CSMD2: variants seen among roughly 807,000 people sequenced by gnomAD.
CSMD2 encodes CUB and sushi domain-containing protein 2.
CSMD2 carries 130 observed loss-of-function variants against 398.5 expected under a neutral mutation model. That is an observed-to-expected ratio of 0.33 (90% CI 0.28 to 0.38). The LOEUF (loss-of-function observed/expected upper bound fraction) is 0.38. CSMD2 is among the 10% of genes least tolerant of loss of function. The probability of loss-of-function intolerance (pLI) is 1.00; values close to 1 mark genes in which losing one functional copy is unlikely to be tolerated. For missense variants in CSMD2, 3,829 were observed against 4,764.9 expected (o/e 0.80, Z 5.78); for synonymous variants, 1,828 against 1,908.5 (o/e 0.96, Z 1.10).
intron 1 of CSMD2, among the ~76,000 whole-genome samples, chr1:34,102,558 C>T (rs1411881913): frequency 6.6e-6 from 1 of 151,648 alleles, no homozygotes; most frequent in Non-Finnish European, 1.5e-5. Flanking sequence ...CCCTGTGATC[C>T]AACCATATCC....
At chr1:34,054,714 T>C (rs903685230) in intron 2 of CSMD2, among the ~76,000 whole-genome samples, 2 of 152,108 alleles carry the variant, frequency 1.3e-5, no homozygotes, top group African/African-American at 2.4e-5. Flanking sequence ...CACTCTAGGC[T>C]GGGCGACAGA....
Position 33,537,589 on chromosome 1 carries a change from C to A in CSMD2, c.9652G>T (p.Gly3218Cys). Residue 3218 changes from glycine to cysteine, a missense_variant, in exon 61 of 71, where the codon GGT becomes TGT. Transcript: ENST00000373381. The surrounding 1 kb of genome is among the most constrained non-coding windows in gnomAD (Gnocchi z 4.6). ...TCTCTCCTCCCACGGGACGGGACAC[C>A]AGGATCCCCGCAGAACACAGCTGGG... Reference protein sequence around the residue: ...QCFPVFCGDPGVPSRGRREDR... With the variant: ...QCFPVFCGDPCVPSRGRREDR... 1 of 1,613,686 alleles carries A rather than the reference C, an allele frequency of 6.2e-7. No individual in the cohort carries two copies. Among genetic ancestry groups the A allele is most frequent in the Non-Finnish European group, 8.5e-7 (1 of 1,179,768 alleles).
intron 2 of CSMD2, among the ~76,000 whole-genome samples, chr1:34,078,312 T>C (rs2148325643): frequency 6.6e-6 from 1 of 152,226 alleles, no homozygotes; most frequent in African/African-American, 2.4e-5. Flanking sequence ...ATACACATGA[T>C]ACATACATGC....
At position 33,714,782 on chromosome 1, in the gene CSMD2, A is replaced by C; in HGVS notation, c.3218-7T>G. On this transcript the variant is annotated splice_region_variant and splice_polypyrimidine_tract_variant and intron_variant, in intron 20 of 70. Transcript: ENST00000373381. Reference sequence around the variant, plus strand: ...CAGGGCTCCAAGTCGTACTCTGGAAAGGTAGCAGGAGATCCGGGCTCAGAG... The same window carrying C: ...CAGGGCTCCAAGTCGTACTCTGGAACGGTAGCAGGAGATCCGGGCTCAGAG... 1 of 1,613,284 alleles carries C rather than the reference A, an allele frequency of 6.2e-7. No individual in the cohort carries two copies.
chr1:33,800,369 A>G (rs1448271944), intron 10 of CSMD2, among the ~76,000 whole-genome samples: 1 of 152,164 alleles, frequency 6.6e-6, no homozygotes, highest in Non-Finnish European at 1.5e-5. Flanking sequence ...TCCAGCAGGT[A>G]CTAAGAAGGG....
chr1:34,163,545 C>T lies in CSMD2; in HGVS notation c.187+1366G>A, dbSNP rs1442089856. Among the ~76,000 whole-genome samples the T allele has an allele frequency of 2.0e-5, 3 of 152,162 alleles. No homozygotes were observed. The highest frequency in any genetic ancestry group is 7.2e-5 in the African/African-American group (3 of 41,438). ...GAAGGCCAGAGTGGGCCAGAGAGCT[C>T]GCCACTCACTGACCTGCCAGAGGAG... On this transcript the variant is annotated intron_variant, in intron 1 of 70. Coordinates refer to ENST00000373381, the MANE Select transcript of CSMD2 (RefSeq NM_001281956.2). This position sits in a 1 kb window ranked among gnomAD's most constrained non-coding sequence, Gnocchi z 5.4.
chr1:33,577,554 C>A, intron 48 of CSMD2, 70 bp from the exon 49 acceptor site: 1 of 1,316,312 alleles, frequency 7.6e-7, no homozygotes, highest in Non-Finnish European at 1.0e-6. Flanking sequence ...CATGCAGGCC[C>A]CTTTCCCTTT....
chr1:33,815,302 T>C (rs891284397), intron 9 of CSMD2: 3 of 152,206 alleles, frequency 2.0e-5, no homozygotes, highest in Admixed American at 6.5e-5. Context: ...TCACATTCTT[T>C]GGCTTCAGTG....
intron 2 of CSMD2, 134 bp from the exon 3 acceptor site, chr1:34,032,840 T>C (rs1258506014): frequency 1.6e-6 from 1 of 632,230 alleles, no homozygotes; most frequent in Non-Finnish European, 2.7e-6. Context: ...ACAAAGTGAT[T>C]CTCAGCAGAG....
chr1:33,993,701 A>G (rs1646635493), intron 3 of CSMD2, among the ~76,000 whole-genome samples: 1 of 151,958 alleles, frequency 6.6e-6, no homozygotes, highest in Admixed American at 6.6e-5. Context: ...ACTCTATACT[A>G]TCTAGTTTCT....
chr1:33,608,133 G>A (rs531567288), intron 41 of CSMD2, among the ~76,000 whole-genome samples: 3 of 152,220 alleles, frequency 2.0e-5, no homozygotes, highest in East Asian at 3.9e-4. Context: ...AAAGATGGGG[G>A]CTGGGGAATC....
intron 1 of CSMD2, among the ~76,000 whole-genome samples, chr1:34,135,900 C>G (rs1052225299): frequency 1.3e-5 from 2 of 152,090 alleles, no homozygotes; most frequent in Non-Finnish European, 2.9e-5. Flanking sequence ...ATAAGTGGGA[C>G]TGGGCTCTGC....
At chr1:33,817,459 G>C (rs956330195) in intron 9 of CSMD2, among the ~76,000 whole-genome samples, 2 of 152,104 alleles carry the variant, frequency 1.3e-5, no homozygotes, top group African/African-American at 4.8e-5. Flanking sequence ...GAAGGAACCC[G>C]CCCAGGGCCA....
chr1:34,015,622 G>A (rs1458053137), intron 3 of CSMD2, among the ~76,000 whole-genome samples: 3 of 152,164 alleles, frequency 2.0e-5, no homozygotes, highest in Non-Finnish European at 2.9e-5. Flanking sequence ...TGGAGCTCTG[G>A]TACAACAGGA....
intron 3 of CSMD2, among the ~76,000 whole-genome samples, chr1:33,964,859 A>T (rs1357066551): frequency 6.6e-6 from 1 of 152,174 alleles, no homozygotes; most frequent in Non-Finnish European, 1.5e-5. Flanking sequence ...GGGACACATC[A>T]CTGGACCTCT....
intron 3 of CSMD2, among the ~76,000 whole-genome samples, chr1:33,982,747 T>C (rs1646215858): frequency 6.6e-6 from 1 of 152,126 alleles, no homozygotes; most frequent in Admixed American, 6.5e-5. Flanking sequence ...CGCAAGGGCA[T>C]GGCACCCTCA....
chr1:33,713,860 C>T (rs891121726), intron 21 of CSMD2, among the ~76,000 whole-genome samples: 4 of 152,208 alleles, frequency 2.6e-5, no homozygotes, highest in Admixed American at 2.6e-4. Context: ...GCAACCCTAG[C>T]TCCAGCACTT....
intron 3 of CSMD2, among the ~76,000 whole-genome samples, chr1:34,019,694 C>T (rs572112414): frequency 1.3e-4 from 20 of 152,128 alleles, no homozygotes; most frequent in African/African-American, 3.1e-4. Flanking sequence ...ATAAATCTCA[C>T]GGAGCCACTT....
At position 33,587,133 on chromosome 1, in the gene CSMD2, G is replaced by A. The variant is rs1256290586; in HGVS notation, c.6892C>T (p.Leu2298Phe). The change falls in exon 45 of 71, where the codon CTC (leucine) becomes TTC (phenylalanine). Residue 2298 changes from leucine (L) to phenylalanine (F), a missense_variant. Leu to Phe is a conservative substitution (Grantham distance 22). This residue lies in a region of CSMD2 where 723 missense variants were observed against 758.6 expected (regional missense o/e 0.95). Transcript: ENST00000373381. ...TCTGTGACGACTTCGGCGTTGGGGA[G>A]GATGGTGGGAGGAGGGCATTTGGTG... The part of the protein sequence containing the change: ...PLTKCPPPTI[L>F]PNAEVVTENE... The A allele has an allele frequency of 1.9e-6, 3 of 1,610,712 alleles. No individual in the cohort carries two copies. The highest frequency in any genetic ancestry group is 2.5e-6 in the Non-Finnish European group (3 of 1,178,830).
Sources: gnomAD v4.1 joint callset for allele counts (sites outside exome capture counted in the v4.1 genomes callset) on GRCh38, gnomAD v4.1.1 for gene constraint, gnomAD v4.1.1 regional missense constraint, Gnocchi (gnomAD v3.1) non-coding constraint, MANE v1.5 for transcripts, NCBI Gene and HGNC (gene_info 2026-07-23, HGNC 2026-07-21) for gene names.